Variants in SLC30A8 observed in about 807,000 individuals in gnomAD.
SLC30A8 encodes the protein solute carrier family 30 member 8, also known as proton-coupled zinc antiporter SLC30A8.
Under a neutral mutation model 36.9 loss-of-function variants are expected in SLC30A8, and 27 were observed. The ratio of observed to expected loss-of-function variants is 0.73; its 90% CI spans 0.54 to 1.01. The LOEUF is 1.01. Ranked by LOEUF, SLC30A8 falls within the 50% of genes least tolerant of loss-of-function variation. The pLI is 0.00. For synonymous variants in SLC30A8, 164 were observed against 172.4 expected (o/e 0.95, Z 0.38); for missense variants, 439 against 452.0 (o/e 0.97, Z 0.26).
chr8:117,086,382 CTGCTTTAA>C (rs1307393313), intron 2 of SLC30A8, among the ~76,000 whole-genome samples: 5 of 152,164 alleles, frequency 3.3e-5, no homozygotes, highest in Non-Finnish European at 7.4e-5. Flanking sequence ...TAATGGGCTT[CTGCTTTAA>C]AAGTCTAAGC....
At chr8:116,963,990 T>C (rs1225784889) in intron 1 of SLC30A8, among the ~76,000 whole-genome samples, 1 of 152,208 alleles carries the variant, frequency 6.6e-6, no homozygotes, top group Non-Finnish European at 1.5e-5. Flanking sequence ...GTTAAAGGCC[T>C]TCTGAAAGCA....
At chr8:117,076,864 A>C (rs1478866508) in intron 2 of SLC30A8, among the ~76,000 whole-genome samples, 1 of 152,154 alleles carries the variant, frequency 6.6e-6, no homozygotes, top group Non-Finnish European at 1.5e-5. Flanking sequence ...TAAACTAATA[A>C]AGTGTAGCAG....
At position 116,987,986 on chromosome 8, in the gene SLC30A8, A is replaced by G. The variant is rs538299260; in HGVS notation, c.-266+36867A>G. ...AGTGCTGGGATTACAGGCATGAGCC[A>G]TTAAGCCCAGCTGCCCTTAATGCTT... On this transcript the variant is annotated intron_variant, in intron 1 of 10. Transcript: ENST00000427715. Among the ~76,000 whole-genome samples, 4 of 152,372 alleles carry G rather than the reference A, an allele frequency of 2.6e-5. No homozygotes were observed. The South Asian group carries it at 8.3e-4, about 32-fold the overall frequency.
At chr8:116,987,060 G>A (rs1376873054) in intron 1 of SLC30A8, among the ~76,000 whole-genome samples, 1 of 151,540 alleles carries the variant, frequency 6.6e-6, no homozygotes, top group East Asian at 1.9e-4. Context: ...ATGGCACATT[G>A]GTATGGAAGA....
chr8:117,031,230 C>CATACAA (rs1817034147), intron 1 of SLC30A8, among the ~76,000 whole-genome samples: 1 of 152,100 alleles, frequency 6.6e-6, no homozygotes, highest in African/African-American at 2.4e-5. Flanking sequence ...ACATTTTGGT[C>CATACAA]ATTTAATCTT....
At chr8:116,985,906 AAAATT>A (rs1175354430) in intron 1 of SLC30A8, among the ~76,000 whole-genome samples, 1 of 152,212 alleles carries the variant, frequency 6.6e-6, no homozygotes, top group Non-Finnish European at 1.5e-5. Flanking sequence ...TTTATCCTGT[AAAATT>A]AAAATTGTTT....
chr8:117,021,531 A>G (rs1326827120), intron 1 of SLC30A8, among the ~76,000 whole-genome samples: 1 of 152,212 alleles, frequency 6.6e-6, no homozygotes, highest in Non-Finnish European at 1.5e-5. Flanking sequence ...CTGATGGATT[A>G]GAGGATCCTA....
chr8:117,124,103 G>A (rs901678782), intron 2 of SLC30A8, among the ~76,000 whole-genome samples: 6 of 151,916 alleles, frequency 3.9e-5, no homozygotes, highest in African/African-American at 1.2e-4. Flanking sequence ...CTTCCCAGGA[G>A]CACATTTTCC....
intron 2 of SLC30A8, among the ~76,000 whole-genome samples, chr8:117,102,891 C>T (rs574858950): frequency 6.6e-6 from 1 of 152,194 alleles, no homozygotes; most frequent in Admixed American, 6.5e-5. Flanking sequence ...TCCAAGTGGA[C>T]AAGAATTTTG....
intron 2 of SLC30A8, among the ~76,000 whole-genome samples, chr8:117,076,402 C>A (rs12680056): frequency 0.06 from 9,093 of 152,200 alleles, 314 homozygotes; most frequent in East Asian, 0.12. Flanking sequence ...TTCCTTCTGC[C>A]TTTTCTTGGC....
rs73702964 is a variant in SLC30A8 at position 117,110,070 on chromosome 8, C to T, written c.-225-25210C>T. 5.8e-3 allele frequency among the ~76,000 whole-genome samples: 884 copies of T among 152,206 alleles called. 9 individuals are homozygous for T. The highest frequency in any genetic ancestry group is 0.02 in the African/African-American group (830 of 41,534). ...CTGACTTGTTTGTATCTTCATTACG[C>T]CTTGTAAGATAGATACACCTGGAAA... On this transcript the variant is annotated intron_variant, in intron 2 of 10. Transcript: ENST00000427715.
At position 117,163,452 on chromosome 8, in the gene SLC30A8, T is replaced by G; in HGVS notation, c.751T>G (p.Cys251Gly). 1 of 1,613,612 alleles carries G rather than the reference T, an allele frequency of 6.2e-7. No homozygotes were observed. Among genetic ancestry groups the G allele is most frequent in the Non-Finnish European group, 8.5e-7 (1 of 1,179,692 alleles). Residue 251 changes from cysteine to glycine, a missense_variant, in exon 6 of 8, where the codon TGC becomes GGC. Coordinates refer to ENST00000456015, the MANE Select transcript of SLC30A8 (RefSeq NM_173851.3). ...KPEYKIADPI[C>G]TFIFSILVLA... ...AGAGTATAAAATAGCCGACCCAATC[T>G]GCACATTCATCTTTTCCATCCTGGT...
At chr8:117,024,650 C>T (rs2130729810) in intron 1 of SLC30A8, among the ~76,000 whole-genome samples, 2 of 152,306 alleles carry the variant, frequency 1.3e-5, no homozygotes, top group South Asian at 4.1e-4. Context: ...TAGTTTTGAA[C>T]ACTTCACTCA....
intron 1 of SLC30A8, among the ~76,000 whole-genome samples, chr8:116,974,494 C>T (rs1814908729): frequency 6.6e-6 from 1 of 152,194 alleles, no homozygotes; most frequent in Admixed American, 6.5e-5. Flanking sequence ...GAGATGCCAT[C>T]TCACACCAGT....
chr8:117,138,262 A>G (rs947125486), intron 1 of SLC30A8, among the ~76,000 whole-genome samples: 9 of 151,982 alleles, frequency 5.9e-5, no homozygotes, highest in Non-Finnish European at 1.0e-4. Context: ...CTTTACAACA[A>G]CTATTTAACT....
At chr8:116,995,171 T>C (rs1815773950) in intron 1 of SLC30A8, among the ~76,000 whole-genome samples, 1 of 152,116 alleles carries the variant, frequency 6.6e-6, no homozygotes, top group South Asian at 2.1e-4. Context: ...CTGATTCTGC[T>C]GTACCCTGAG....
intron 1 of SLC30A8, among the ~76,000 whole-genome samples, chr8:116,958,538 A>G (rs1420228491): frequency 2.0e-5 from 3 of 152,022 alleles, no homozygotes; most frequent in African/African-American, 4.8e-5. Flanking sequence ...TGAGAATTCT[A>G]CTGTCATTTT....
intron 2 of SLC30A8, among the ~76,000 whole-genome samples, chr8:117,129,410 A>G (rs1821042895): frequency 6.6e-6 from 1 of 152,074 alleles, no homozygotes; most frequent in Non-Finnish European, 1.5e-5. Context: ...ATGGAAAATT[A>G]GTATCCACTG....
At chr8:116,980,258 A>T (rs1045676006) in intron 1 of SLC30A8, among the ~76,000 whole-genome samples, 5 of 152,222 alleles carry the variant, frequency 3.3e-5, no homozygotes, top group African/African-American at 4.8e-5. Flanking sequence ...TGTAAAAATA[A>T]TACATATTTG....
Sources: gnomAD v4.1 joint callset for allele counts (sites outside exome capture counted in the v4.1 genomes callset) on GRCh38, gnomAD v4.1.1 for gene constraint, MANE v1.5 for transcripts, NCBI Gene and HGNC (gene_info 2026-07-23, HGNC 2026-07-21) for gene names.